EVL: variants seen among roughly 807,000 people sequenced by gnomAD.
The protein encoded by EVL is Enah/Vasp-like.
EVL carries 21 observed loss-of-function variants against 59.6 expected under a neutral mutation model. The ratio of observed to expected loss-of-function variants is 0.35; its 90% confidence interval spans 0.25 to 0.51. EVL has a LOEUF of 0.51. EVL is among the 20% of genes least tolerant of loss of function. The pLI is 0.97. For synonymous variants in EVL, 198 were observed against 203.5 expected (o/e 0.97, Z 0.23); for missense variants, 462 against 546.6 (o/e 0.85, Z 1.54).
At chr14:100,099,617 G>A (rs954308685) in intron 3 of EVL, among the ~76,000 whole-genome samples, 1 of 152,114 alleles carries the variant, frequency 6.6e-6, no homozygotes. Flanking sequence ...GGCATCGTAA[G>A]TGCCCAGCAA....
intron 2 of EVL, among the ~76,000 whole-genome samples, chr14:100,086,430 C>T (rs1386338253): frequency 6.6e-6 from 1 of 152,220 alleles, no homozygotes; most frequent in East Asian, 1.9e-4. Flanking sequence ...ACAAGGTCCA[C>T]CTTGTGCAGT....
chr14:100,007,811 CAGAG>C (rs886083190), intron 1 of EVL, among the ~76,000 whole-genome samples: 4 of 151,554 alleles, frequency 2.6e-5, no homozygotes, highest in Non-Finnish European at 5.9e-5. Context: ...CAGACAGAGA[CAGAG>C]AGAGAAAGAG....
intron 1 of EVL, among the ~76,000 whole-genome samples, chr14:100,079,375 A>C (rs1326449327): frequency 6.6e-6 from 1 of 152,210 alleles, no homozygotes; most frequent in Non-Finnish European, 1.5e-5. Flanking sequence ...TCATTTGTTT[A>C]ACAATTATTC....
At chr14:100,000,340 CTTTT>C (rs60864913) in intron 1 of EVL, among the ~76,000 whole-genome samples, 10 of 99,874 alleles carry the variant, frequency 1.0e-4, no homozygotes, top group African/African-American at 3.1e-4. Flanking sequence ...CTGTTGCATT[CTTTT>C]TTTTTTTTTT....
intron 1 of EVL, among the ~76,000 whole-genome samples, chr14:100,046,967 A>G (rs1156579647): frequency 6.6e-6 from 1 of 151,020 alleles, no homozygotes; most frequent in Non-Finnish European, 1.5e-5. Flanking sequence ...GTTAGCCAGG[A>G]TGGTCTTGAT....
At chr14:100,034,234 C>CAAAAAA (rs548491187) in intron 1 of EVL, among the ~76,000 whole-genome samples, 1 of 90,934 alleles carries the variant, frequency 1.1e-5, no homozygotes. Context: ...GAATCTGTCT[C>CAAAAAA]AAAAAAAAAA....
chr14:100,118,684 C>G (rs994095898), intron 3 of EVL, among the ~76,000 whole-genome samples: 2 of 152,202 alleles, frequency 1.3e-5, no homozygotes, highest in Non-Finnish European at 2.9e-5. Flanking sequence ...CTGTCAGCTC[C>G]TGTCCCCTGT....
chr14:99,989,990 A>G (rs892694143), intron 1 of EVL, among the ~76,000 whole-genome samples: 4 of 152,218 alleles, frequency 2.6e-5, no homozygotes, highest in African/African-American at 7.2e-5. Flanking sequence ...CTGTTGACCC[A>G]ACTTCTGCAT....
intron 2 of EVL, among the ~76,000 whole-genome samples, chr14:100,089,164 G>A: frequency 6.6e-6 from 1 of 152,198 alleles, no homozygotes; most frequent in East Asian, 1.9e-4. Context: ...TCTAAAGGGA[G>A]AAGAGACAAA....
chr14:100,110,475 G>A (rs61984549), intron 3 of EVL, among the ~76,000 whole-genome samples: 4,143 of 152,252 alleles, frequency 0.027, 81 homozygotes, highest in Non-Finnish European at 0.04. Flanking sequence ...GGATCCTGAT[G>A]GTCAGAGAAC....
chr14:100,041,616 T>G (rs373754629), intron 1 of EVL, among the ~76,000 whole-genome samples: 14 of 152,348 alleles, frequency 9.2e-5, no homozygotes, highest in African/African-American at 3.4e-4. Flanking sequence ...AGTAAATGTC[T>G]TTTAAGAGAT....
chr14:100,056,774 T>G (rs2061740509), intron 1 of EVL, among the ~76,000 whole-genome samples: 1 of 152,016 alleles, frequency 6.6e-6, no homozygotes, highest in Admixed American at 6.5e-5. Context: ...AACGAGGCCC[T>G]ATCTGTCCCC....
intron 1 of EVL, among the ~76,000 whole-genome samples, chr14:99,997,639 C>T (rs1445212000): frequency 6.6e-6 from 1 of 152,168 alleles, no homozygotes; most frequent in East Asian, 1.9e-4. Context: ...TATCAGGGTT[C>T]TGTACATCCA....
intron 1 of EVL, among the ~76,000 whole-genome samples, chr14:100,035,559 A>G (rs1365648771): frequency 6.6e-6 from 1 of 152,122 alleles, no homozygotes; most frequent in Non-Finnish European, 1.5e-5. Flanking sequence ...GAGAGCGCTG[A>G]GATGTACAGG....
chr14:99,995,978 C>T (rs2060910557), intron 1 of EVL, among the ~76,000 whole-genome samples: 1 of 152,090 alleles, frequency 6.6e-6, no homozygotes, highest in Admixed American at 6.5e-5. Context: ...GTGCTACAGC[C>T]AGTTGCAGTG....
At chr14:100,021,770 A>T (rs564414741) in intron 1 of EVL, among the ~76,000 whole-genome samples, 5 of 152,284 alleles carry the variant, frequency 3.3e-5, no homozygotes, top group African/African-American at 9.6e-5. Flanking sequence ...TTGGCTTAGG[A>T]AAAGCAGAAG....
At chr14:100,010,377 A>G (rs890948446) in intron 1 of EVL, among the ~76,000 whole-genome samples, 1 of 152,150 alleles carries the variant, frequency 6.6e-6, no homozygotes. Context: ...CTTGGTCGTC[A>G]TTATTGTGCT....
chr14:100,066,654 C>G (rs2061935698), intron 1 of EVL, among the ~76,000 whole-genome samples: 2 of 152,204 alleles, frequency 1.3e-5, no homozygotes, highest in Admixed American at 6.5e-5. Flanking sequence ...AAAGGCATAT[C>G]AACTTCCAAA....
chr14:100,016,078 CA>C (rs756318037), intron 1 of EVL, among the ~76,000 whole-genome samples: 21,164 of 90,024 alleles, frequency 0.24, 1,542 homozygotes, highest in East Asian at 0.37. Context: ...GACTCTGTCT[CA>C]AAAAAAAAAA....
Sources: gnomAD v4.1 joint callset for allele counts (sites outside exome capture counted in the v4.1 genomes callset) on GRCh38, gnomAD v4.1.1 for gene constraint, MANE v1.5 for transcripts, NCBI Gene and HGNC (gene_info 2026-07-23, HGNC 2026-07-21) for gene names.